The following DTNA variants were observed in gnomAD, a reference collection of about 807,000 sequenced individuals.
DTNA encodes the protein dystrobrevin alpha.
DTNA carries 43 observed loss-of-function variants against 100.7 expected under a neutral mutation model. That is an observed-to-expected ratio of 0.43 (90% CI 0.33 to 0.55). The LOEUF (loss-of-function observed/expected upper bound fraction) is 0.55. Ranked by LOEUF, DTNA falls within the 20% of genes least tolerant of loss-of-function variation. DTNA has a pLI of 0.04. For synonymous variants in DTNA, 349 were observed against 347.9 expected (o/e 1.00, Z -0.04); for missense variants, 798 against 953.9 (o/e 0.84, Z 2.15).
chr18:34,581,135 C>T (rs188003331), intron 1 of DTNA, among the ~76,000 whole-genome samples: 42 of 152,242 alleles, frequency 2.8e-4, no homozygotes, highest in African/African-American at 8.9e-4. Flanking sequence ...TGTATCCCAG[C>T]TGCTGGGGAG....
At chr18:34,790,205 C>T (rs2094657009) in intron 3 of DTNA, among the ~76,000 whole-genome samples, 1 of 152,140 alleles carries the variant, frequency 6.6e-6, no homozygotes, top group African/African-American at 2.4e-5. Flanking sequence ...GGGGTGTGAA[C>T]AGTTATCACA....
At chr18:34,545,143 G>A (rs1298089843) in intron 1 of DTNA, among the ~76,000 whole-genome samples, 1 of 152,030 alleles carries the variant, frequency 6.6e-6, no homozygotes, top group African/African-American at 2.4e-5. Flanking sequence ...GGGGCTAATG[G>A]GAAGGGGACA....
chr18:34,868,434 C>T (rs1011216691), intron 17 of DTNA: 2 of 969,366 alleles, frequency 2.1e-6, no homozygotes, highest in African/African-American at 3.5e-5. Context: ...CAAATATAGA[C>T]TTCTCATGGT....
At chr18:34,511,311 TCTGTATTATCTC>T (rs2041063615) in intron 1 of DTNA, among the ~76,000 whole-genome samples, 1 of 152,134 alleles carries the variant, frequency 6.6e-6, no homozygotes, top group Non-Finnish European at 1.5e-5. Context: ...AAACATTTCA[TCTGTATTATCTC>T]AATCCTACTC....
At chr18:34,634,696 T>C (rs947601286) in intron 1 of DTNA, among the ~76,000 whole-genome samples, 21 of 152,170 alleles carry the variant, frequency 1.4e-4, no homozygotes, top group Non-Finnish European at 2.9e-5. Flanking sequence ...GTTGTTTCTT[T>C]TAAAAAAAAT....
intron 13 of DTNA, among the ~76,000 whole-genome samples, chr18:34,843,752 A>G (rs1272090565): frequency 1.3e-5 from 2 of 152,142 alleles, no homozygotes; most frequent in East Asian, 1.9e-4. Flanking sequence ...GGGAGACACA[A>G]TTGAATCCAT....
chr18:34,602,615 T>C (rs948611189), intron 1 of DTNA, among the ~76,000 whole-genome samples: 2 of 151,984 alleles, frequency 1.3e-5, no homozygotes, highest in African/African-American at 2.4e-5. Flanking sequence ...CGGTGGCTCA[T>C]GTCTGTAATC....
intron 4 of DTNA, 28 bp downstream of exon 4, chr18:34,794,278 C>G (rs759617348): frequency 4.7e-5 from 76 of 1,613,320 alleles, no homozygotes; most frequent in Non-Finnish European, 6.3e-5. Context: ...GTCTGTTCCT[C>G]TCTACATGTT....
At chr18:34,827,409 T>C (rs2095883731) in intron 9 of DTNA, among the ~76,000 whole-genome samples, 184 bp from the exon 10 acceptor site, 1 of 152,202 alleles carries the variant, frequency 6.6e-6, no homozygotes, top group African/African-American at 2.4e-5. Context: ...GATTATATAT[T>C]CTCAAGGAAA....
chr18:34,838,019 G>A (rs2096188780), intron 11 of DTNA, 75 bp from the exon 12 acceptor site: 12 of 1,297,874 alleles, frequency 9.2e-6, no homozygotes, highest in Middle Eastern at 1.8e-4. Flanking sequence ...ACTTGGGAGT[G>A]TCTGTTGCCA....
intron 1 of DTNA, among the ~76,000 whole-genome samples, chr18:34,699,183 A>G (rs1340072813): frequency 6.6e-6 from 1 of 151,962 alleles, no homozygotes; most frequent in East Asian, 1.9e-4. Flanking sequence ...ACACACATCT[A>G]TAAAACCATG....
intron 6 of DTNA, among the ~76,000 whole-genome samples, chr18:34,812,878 GA>G (rs945923185): frequency 6.6e-6 from 1 of 152,194 alleles, no homozygotes; most frequent in African/African-American, 2.4e-5. Flanking sequence ...AAGGATACCA[GA>G]AAGGAATCCC....
At chr18:34,640,912 ATGT>A (rs1445281333) in intron 1 of DTNA, among the ~76,000 whole-genome samples, 1 of 151,980 alleles carries the variant, frequency 6.6e-6, no homozygotes, top group African/African-American at 2.4e-5. Flanking sequence ...GCAGTGGCGG[ATGT>A]TGTTGTTGGG....
chr18:34,839,797 T>C (rs541994989), intron 13 of DTNA, among the ~76,000 whole-genome samples: 2 of 152,308 alleles, frequency 1.3e-5, no homozygotes, highest in South Asian at 4.1e-4. Context: ...CAAGTCCTCT[T>C]TCCTCTACTA....
chr18:34,854,403 T>C (rs1162495837), intron 15 of DTNA, among the ~76,000 whole-genome samples: 1 of 152,168 alleles, frequency 6.6e-6, no homozygotes, highest in African/African-American at 2.4e-5. Flanking sequence ...CAACCAATAA[T>C]ATATGGTGGA....
chr18:34,728,067 A>G (rs1379443696), intron 1 of DTNA, among the ~76,000 whole-genome samples: 1 of 152,212 alleles, frequency 6.6e-6, no homozygotes. Flanking sequence ...AATTTTCTTC[A>G]GCAGATACGT....
intron 1 of DTNA, among the ~76,000 whole-genome samples, chr18:34,557,452 C>T (rs1372829452): frequency 1.3e-5 from 2 of 152,062 alleles, no homozygotes; most frequent in East Asian, 1.9e-4. Context: ...CTCTGCGTTT[C>T]AGAGTTTCCC....
At chr18:34,533,371 C>CAA (rs574923147) in intron 1 of DTNA, among the ~76,000 whole-genome samples, 41 of 85,166 alleles carry the variant, frequency 4.8e-4, no homozygotes, top group African/African-American at 1.5e-3. Context: ...AACTCCATCT[C>CAA]AAAAAAAAAA....
intron 1 of DTNA, among the ~76,000 whole-genome samples, chr18:34,530,893 T>C (rs887271520): frequency 7.2e-5 from 11 of 152,174 alleles, no homozygotes; most frequent in African/African-American, 2.4e-4. Flanking sequence ...TATCAGGGAA[T>C]GCTTTCTACT....
Sources: allele counts gnomAD v4.1 joint callset (sites outside exome capture counted in the v4.1 genomes callset), GRCh38; gene constraint gnomAD v4.1.1; transcripts MANE v1.5; gene names NCBI Gene and HGNC (gene_info 2026-07-23, HGNC 2026-07-21).